The following GABRG3 variants were observed in gnomAD, a reference collection of about 807,000 sequenced individuals.
GABRG3 encodes gamma-aminobutyric acid receptor subunit gamma-3.
In GABRG3, 25 loss-of-function variants were observed where a neutral mutation model predicts 48.8. The ratio of observed to expected loss-of-function variants is 0.51; its 90% CI spans 0.37 to 0.72. The LOEUF (loss-of-function observed/expected upper bound fraction) is 0.72. Among genes scored for constraint, GABRG3 ranks in the 30% least tolerant of loss-of-function variants. The pLI is 0.00. For synonymous variants in GABRG3, 227 were observed against 217.6 expected, an observed-to-expected ratio of 1.04 and a Z score of -0.38; for missense variants, 394 against 577.9, an observed-to-expected ratio of 0.68 and a Z score of 3.26.
intron 3 of GABRG3, among the ~76,000 whole-genome samples, chr15:27,224,838 C>A (rs1889562114): frequency 6.6e-6 from 1 of 152,160 alleles, no homozygotes; most frequent in African/African-American, 2.4e-5. Context: ...CTTAATGGAG[C>A]TCCTCTTTCA....
chr15:27,335,805 A>G (rs1031988273), intron 5 of GABRG3, among the ~76,000 whole-genome samples: 1 of 152,190 alleles, frequency 6.6e-6, no homozygotes, highest in South Asian at 2.1e-4. Context: ...AAAATGATTA[A>G]AATGATACAT....
At chr15:27,529,108 A>C (rs1481751673) in intron 9 of GABRG3, among the ~76,000 whole-genome samples, 1 of 152,200 alleles carries the variant, frequency 6.6e-6, no homozygotes, top group Admixed American at 6.5e-5. Context: ...ACTATGCTTG[A>C]CATTATGTTC....
At chr15:27,134,998 T>A (rs966239915) in intron 3 of GABRG3, among the ~76,000 whole-genome samples, 1 of 152,174 alleles carries the variant, frequency 6.6e-6, no homozygotes, top group African/African-American at 2.4e-5. Context: ...CTTTACAAAG[T>A]GCAATGAGAA....
At chr15:27,260,621 G>A (rs1416935011) in intron 3 of GABRG3, among the ~76,000 whole-genome samples, 2 of 152,202 alleles carry the variant, frequency 1.3e-5, no homozygotes, top group African/African-American at 2.4e-5. Context: ...TTGAGCATCT[G>A]TAGATTTTGG....
intron 3 of GABRG3, among the ~76,000 whole-genome samples, chr15:27,205,571 C>G (rs1888825558): frequency 6.6e-6 from 1 of 152,010 alleles, no homozygotes; most frequent in Non-Finnish European, 1.5e-5. Context: ...TGATGCTGAC[C>G]TCATAGAATG....
intron 3 of GABRG3, among the ~76,000 whole-genome samples, chr15:27,266,877 C>T (rs918041270): frequency 6.6e-6 from 1 of 151,942 alleles, no homozygotes; most frequent in Non-Finnish European, 1.5e-5. Flanking sequence ...GATATTGTAT[C>T]CTGAAACTTT....
chr15:27,527,859 A>T (rs1891317267), intron 8 of GABRG3, 74 bp from the exon 9 acceptor site: 14 of 1,262,908 alleles, frequency 1.1e-5, no homozygotes, highest in Non-Finnish European at 1.6e-5. Flanking sequence ...TACCCTAAAG[A>T]TTGCTCTTAA....
chr15:27,003,081 C>A (rs1895484675), intron 2 of GABRG3, among the ~76,000 whole-genome samples: 1 of 151,798 alleles, frequency 6.6e-6, no homozygotes, highest in Non-Finnish European at 1.5e-5. Context: ...GCTTCTATTA[C>A]ATTTATAAAT....
At chr15:27,336,849 A>G (rs958512738) in intron 5 of GABRG3, among the ~76,000 whole-genome samples, 2 of 152,226 alleles carry the variant, frequency 1.3e-5, no homozygotes, top group Non-Finnish European at 2.9e-5. Context: ...CAAATTACTC[A>G]TATATGCAAG....
chr15:27,529,534 G>T (rs1424513892), intron 9 of GABRG3, among the ~76,000 whole-genome samples: 1 of 152,130 alleles, frequency 6.6e-6, no homozygotes, highest in African/African-American at 2.4e-5. Flanking sequence ...TGTTAATCGG[G>T]ACCTCATATG....
chr15:27,217,660 C>T (rs755013697), intron 3 of GABRG3, among the ~76,000 whole-genome samples: 11 of 152,180 alleles, frequency 7.2e-5, no homozygotes, highest in Non-Finnish European at 1.2e-4. Context: ...TACACACCAA[C>T]GAGTATCATA....
intron 3 of GABRG3, among the ~76,000 whole-genome samples, chr15:27,196,924 T>G (rs867757747): frequency 6.6e-6 from 1 of 152,184 alleles, no homozygotes. Flanking sequence ...TTGCCAGTAT[T>G]TAGTATTATT....
At chr15:27,405,443 A>C (rs892241809) in intron 5 of GABRG3, among the ~76,000 whole-genome samples, 13 of 152,194 alleles carry the variant, frequency 8.5e-5, no homozygotes, top group African/African-American at 3.1e-4. Flanking sequence ...AGTATTTGTT[A>C]AGTGTGGGGG....
At chr15:27,040,699 T>C (rs948182265) in intron 3 of GABRG3, among the ~76,000 whole-genome samples, 1 of 152,112 alleles carries the variant, frequency 6.6e-6, no homozygotes. Flanking sequence ...TGAATTAGAG[T>C]TATCAAAGAA....
At chr15:27,387,032 C>T (rs1375910958) in intron 5 of GABRG3, among the ~76,000 whole-genome samples, 5 of 152,224 alleles carry the variant, frequency 3.3e-5, no homozygotes, top group Non-Finnish European at 7.3e-5. Context: ...ATTTTACCTT[C>T]ACTTGGAAAC....
chr15:27,480,805 G>A lies in GABRG3; in HGVS notation c.712+18G>A, dbSNP rs767660237. 1 of 1,612,716 alleles carries A rather than the reference G, an allele frequency of 6.2e-7. No homozygotes were observed. The highest frequency in any genetic ancestry group is 1.1e-5 in the South Asian group (1 of 90,706). ...GTCTGCAGGTAGGAATTTACTGAAAGAGGCACAGCTCTCAAAAGCCAGAGA... is the reference window on the plus strand; with the variant it reads ...GTCTGCAGGTAGGAATTTACTGAAAAAGGCACAGCTCTCAAAAGCCAGAGA... On this transcript the variant is annotated intron_variant, in intron 6 of 9. Coordinates refer to ENST00000615808, the MANE Select transcript of GABRG3 (RefSeq NM_033223.5).
Position 27,262,607 on chromosome 15 carries a change from C to T in GABRG3, c.271-64202C>T, listed in dbSNP as rs115132760. Among the ~76,000 whole-genome samples, 417 of 152,268 alleles carry T rather than the reference C, an allele frequency of 2.7e-3. 3 individuals carry two copies. The highest frequency in any genetic ancestry group is 9.2e-3 in the African/African-American group (383 of 41,548). On this transcript the variant is annotated intron_variant, in intron 3 of 9. Coordinates refer to ENST00000615808, the MANE Select transcript of GABRG3 (RefSeq NM_033223.5). ...ATTTGAAGTGGGACGATGTCCTTAC[C>T]TGGTGTAGATATTGTCTTCGACTAT...
Position 27,308,868 on chromosome 15 carries a change from T to G in GABRG3, c.271-17941T>G, listed in dbSNP as rs1230014208. The stretch of plus-strand genomic sequence containing the variant: ...ACACAGAATGTAAACATATATGTTT[T>G]TATAAAAACAGAATTTAAACATGTT... On this transcript the variant is annotated intron_variant, in intron 3 of 9. Transcript: ENST00000615808. Among the ~76,000 whole-genome samples, 3 of 150,242 alleles carry G rather than the reference T, an allele frequency of 2.0e-5. No individual in the cohort carries two copies. In the East Asian group the frequency reaches 6.1e-4, roughly 31 times the overall value.
At chr15:27,214,058 G>A (rs907007339) in intron 3 of GABRG3, among the ~76,000 whole-genome samples, 1 of 152,226 alleles carries the variant, frequency 6.6e-6, no homozygotes, top group Non-Finnish European at 1.5e-5. Context: ...GCTAAGATGT[G>A]TGATTGAGTC....
Sources: gnomAD v4.1 joint callset for allele counts (sites outside exome capture counted in the v4.1 genomes callset) on GRCh38, gnomAD v4.1.1 for gene constraint, MANE v1.5 for transcripts, NCBI Gene and HGNC (gene_info 2026-07-23, HGNC 2026-07-21) for gene names.